Variants in TTBK2 observed in about 807,000 individuals in gnomAD.
TTBK2 encodes the protein tau-tubulin kinase 2.
In TTBK2, 28 loss-of-function variants were observed where a neutral mutation model predicts 110.8. The observed-to-expected ratio is 0.25, with a 90% CI of 0.19 to 0.35. The LOEUF (loss-of-function observed/expected upper bound fraction) is 0.35, where lower values mean the gene tolerates loss of function less well. Among genes scored for constraint, TTBK2 ranks in the 10% least tolerant of loss-of-function variants. The pLI, the probability that TTBK2 is intolerant of heterozygous loss-of-function variation, is 1.00. For synonymous variants in TTBK2, 532 were observed against 527.3 expected (o/e 1.01, Z -0.12); for missense variants, 1,369 against 1,500.3 (o/e 0.91, Z 1.45).
At chr15:42,849,459 TTCTA>T (rs1289419162) in intron 3 of TTBK2, among the ~76,000 whole-genome samples, 2 of 152,332 alleles carry the variant, frequency 1.3e-5, no homozygotes, top group East Asian at 3.9e-4. Context: ...GGCATCTATG[TTCTA>T]TCTTTTTCTA....
intron 7 of TTBK2, among the ~76,000 whole-genome samples, chr15:42,815,858 C>A (rs146952252): frequency 0.02 from 2,274 of 115,416 alleles, 32 homozygotes; most frequent in Admixed American, 0.051. Context: ...TTCTCTCTCT[C>A]TATATATATA....
intron 3 of TTBK2, among the ~76,000 whole-genome samples, chr15:42,870,151 G>A (rs2141110539): frequency 6.6e-6 from 1 of 151,968 alleles, no homozygotes; most frequent in Middle Eastern, 3.4e-3. Context: ...TCCAGCCTGG[G>A]CAACAGAGCA....
intron 1 of TTBK2, among the ~76,000 whole-genome samples, chr15:42,913,820 A>G (rs1326899372): frequency 6.6e-6 from 1 of 152,212 alleles, no homozygotes; most frequent in African/African-American, 2.4e-5. Flanking sequence ...AACACTACAC[A>G]TTCCTTGGGT....
chr15:42,901,533 G>C (rs1309541153), intron 1 of TTBK2, among the ~76,000 whole-genome samples: 2 of 151,562 alleles, frequency 1.3e-5, no homozygotes, highest in Non-Finnish European at 2.9e-5. Flanking sequence ...TGTAGTCCCA[G>C]CTACTTGGGA....
intron 3 of TTBK2, among the ~76,000 whole-genome samples, chr15:42,856,352 A>T (rs999866585): frequency 6.6e-6 from 1 of 152,198 alleles, no homozygotes; most frequent in Admixed American, 6.5e-5. Flanking sequence ...TATTTTATCA[A>T]ACTAAGAACT....
Position 42,780,189 on chromosome 15 carries a change from CTTTTTTT to C in TTBK2, c.1198-2954_1198-2948del, listed in dbSNP as rs892670301. ...GGTACGTGCCAACATGCCCGGCTAA[CTTTTTTT>C]TTTTTTTTTTTTTTTTGGTAGAGAT... is the stretch of plus-strand genomic sequence containing the variant. On this transcript the variant is annotated intron_variant, in intron 11 of 14. Transcript: ENST00000267890. 5.1e-3 allele frequency among the ~76,000 whole-genome samples: 510 copies of C among 100,798 alleles called. 3 individuals are homozygous for C. The highest frequency in any genetic ancestry group is 0.019 in the African/African-American group (433 of 23,018). The allele number at this position is 100,798 out of a possible 152,430, so 66.1% of individuals were successfully genotyped here. A position where few individuals can be genotyped will look rare whatever the true frequency, so the allele number is the denominator to read the frequency against.
At chr15:42,907,108 C>A (rs748062427) in intron 1 of TTBK2, among the ~76,000 whole-genome samples, 30 of 151,540 alleles carry the variant, frequency 2.0e-4, no homozygotes, top group Non-Finnish European at 2.9e-4. Context: ...TAAATCAAAA[C>A]CTCACAAAAT....
chr15:42,891,910 C>A (rs898293193), intron 1 of TTBK2, among the ~76,000 whole-genome samples: 8 of 152,016 alleles, frequency 5.3e-5, no homozygotes, highest in African/African-American at 1.9e-4. Context: ...TAACTTGACG[C>A]AATTAGTGAC....
Position 42,741,240 on chromosome 15 carries a change from G to A in TTBK2, c.*4555C>T, listed in dbSNP as rs796906191. ...CTGGGTGAGGACAGGGAAGTAGGAT[G>A]TCCCAACACCCTCTGAGGGTTTTCA... On this transcript the variant is annotated 3_prime_UTR_variant, in exon 15 of 15. Coordinates refer to ENST00000267890, the MANE Select transcript of TTBK2 (RefSeq NM_173500.4). The A allele has an allele frequency of 8.5e-5, 13 of 152,252 alleles. No homozygotes were observed. Among genetic ancestry groups the A allele is most frequent in the African/African-American group, 2.4e-4 (10 of 41,560 alleles). The allele number at this position is 152,252 out of a possible 1,614,324, so 9.4% of individuals were successfully genotyped here.
intron 1 of TTBK2, among the ~76,000 whole-genome samples, chr15:42,911,557 T>C (rs1438431063): frequency 6.6e-6 from 1 of 152,188 alleles, no homozygotes; most frequent in Non-Finnish European, 1.5e-5. Flanking sequence ...TGAAAAGTAC[T>C]TATACACTGG....
chr15:42,795,519 C>T (rs1284668298), intron 9 of TTBK2, among the ~76,000 whole-genome samples: 2 of 152,150 alleles, frequency 1.3e-5, no homozygotes, highest in Non-Finnish European at 2.9e-5. Flanking sequence ...CTCATCATTT[C>T]TGGAACTCTG....
At chr15:42,758,078 T>G (rs978337857) in intron 13 of TTBK2, among the ~76,000 whole-genome samples, 3 of 152,192 alleles carry the variant, frequency 2.0e-5, no homozygotes, top group African/African-American at 7.2e-5. Flanking sequence ...CTTTTACTTT[T>G]CTCTCATTCA....
Position 42,794,744 on chromosome 15 carries a change from G to T in TTBK2, c.880C>A (p.Pro294Thr). 5 of 1,614,008 alleles carry T rather than the reference G, an allele frequency of 3.1e-6. No individual in the cohort carries two copies. The highest frequency in any genetic ancestry group is 4.2e-6 in the Non-Finnish European group (5 of 1,180,022). The stretch of plus-strand genomic sequence containing the variant: ...TTTCCAGTCTTCTCCCAGTCAAAAG[G>T]GTCACTCTCAATTACTCCAAAAGTC... Reference protein sequence around the residue: ...IKTFGVIESDPFDWEKTGNDG... With the variant: ...IKTFGVIESDTFDWEKTGNDG... Residue 294 changes from proline (P) to threonine (T), a missense_variant, in exon 10 of 15, where the codon CCT becomes ACT. Physicochemically the swap from Pro to Thr is conservative, Grantham distance 38. Coordinates refer to ENST00000267890, the MANE Select transcript of TTBK2 (RefSeq NM_173500.4).
At chr15:42,797,615 G>A (rs1891000478) in intron 9 of TTBK2, among the ~76,000 whole-genome samples, 1 of 152,120 alleles carries the variant, frequency 6.6e-6, no homozygotes, top group Non-Finnish European at 1.5e-5. Flanking sequence ...TCCTCAGATT[G>A]GAATAGTAGA....
intron 1 of TTBK2, among the ~76,000 whole-genome samples, chr15:42,888,172 C>G (rs936116968): frequency 6.6e-6 from 1 of 152,120 alleles, no homozygotes; most frequent in African/African-American, 2.4e-5. Context: ...AAATCACAAA[C>G]TATGCTCAGC....
intron 9 of TTBK2, among the ~76,000 whole-genome samples, chr15:42,803,596 A>G (rs1379036911): frequency 6.6e-6 from 1 of 152,186 alleles, no homozygotes; most frequent in East Asian, 1.9e-4. Context: ...AATATAGTAC[A>G]CTAAGGCTTT....
At chr15:42,768,598 T>G (rs1419456552) in intron 13 of TTBK2, among the ~76,000 whole-genome samples, 7 of 152,084 alleles carry the variant, frequency 4.6e-5, no homozygotes, top group African/African-American at 1.4e-4. Flanking sequence ...CACTGCTCAA[T>G]GAAATAAAAG....
At chr15:42,852,823 C>A (rs1893774855) in intron 3 of TTBK2, among the ~76,000 whole-genome samples, 1 of 151,954 alleles carries the variant, frequency 6.6e-6, no homozygotes, top group Non-Finnish European at 1.5e-5. Flanking sequence ...CAAGGACAAG[C>A]AAAAAGTTAC....
At chr15:42,802,627 G>C (rs1891273237) in intron 9 of TTBK2, among the ~76,000 whole-genome samples, 1 of 152,232 alleles carries the variant, frequency 6.6e-6, no homozygotes, top group African/African-American at 2.4e-5. Flanking sequence ...ACCTTTACCT[G>C]TTTTCACCAT....
Sources: allele counts gnomAD v4.1 joint callset (sites outside exome capture counted in the v4.1 genomes callset), GRCh38; gene constraint gnomAD v4.1.1; transcripts MANE v1.5; gene names NCBI Gene and HGNC (gene_info 2026-07-23, HGNC 2026-07-21).